Variants in CALN1 observed in about 807,000 individuals in gnomAD.
CALN1 encodes the protein calcium-binding protein 8.
CALN1 carries 17 observed loss-of-function variants against 30.6 expected under a neutral mutation model. The observed-to-expected ratio is 0.56, with a 90% CI of 0.38 to 0.83. The LOEUF (loss-of-function observed/expected upper bound fraction) is 0.83. Ranked by LOEUF, CALN1 falls within the 40% of genes least tolerant of loss-of-function variation. The pLI is 0.00. For missense variants in CALN1, 291 were observed against 354.9 expected (o/e 0.82, Z 1.45); for synonymous variants, 156 against 131.4 (o/e 1.19, Z -1.28).
chr7:72,236,852 T>C (rs1585234330), intron 3 of CALN1, among the ~76,000 whole-genome samples: 2 of 152,218 alleles, frequency 1.3e-5, no homozygotes, highest in Admixed American at 1.3e-4. Context: ...GTTCATGGTC[T>C]TTGGCCAAGG....
chr7:72,490,317 T>C, the CALN1 span, among the ~76,000 whole-genome samples: 2 of 152,114 alleles, frequency 1.3e-5, no homozygotes, highest in African/African-American at 4.8e-5. Flanking sequence ...AAAAACACTG[T>C]GTGGACAAAA....
chr7:71,844,321 C>A (rs1244655272), intron 5 of CALN1, among the ~76,000 whole-genome samples: 1 of 152,096 alleles, frequency 6.6e-6, no homozygotes, highest in Non-Finnish European at 1.5e-5. Flanking sequence ...ATCTTACCTG[C>A]CTTCTTTATA....
intron 3 of CALN1, among the ~76,000 whole-genome samples, chr7:72,231,328 C>T (rs561929587): frequency 6.6e-6 from 1 of 152,302 alleles, no homozygotes; most frequent in East Asian, 1.9e-4. Flanking sequence ...GTTCCCTTTC[C>T]TGTGTCCATG....
intron 5 of CALN1, among the ~76,000 whole-genome samples, chr7:72,021,981 C>T (rs1334394414): frequency 6.6e-6 from 1 of 152,118 alleles, no homozygotes; most frequent in African/African-American, 2.4e-5. Flanking sequence ...TTCTTCAGGC[C>T]CTAAATCCAT....
In CALN1 at chr7:71,782,990, T is replaced by G. The variant is rs1385761674; in HGVS notation, c.*4785A>C. The stretch of plus-strand genomic sequence containing the variant: ...GTCTTGAACTCCTGATCTTAAGTGA[T>G]CCACCTGCCTTGGCCTCCCAAAGTG... On this transcript the variant is annotated 3_prime_UTR_variant, in exon 7 of 7. Coordinates refer to ENST00000395275, the MANE Select transcript of CALN1 (RefSeq NM_031468.4). 2.6e-5 allele frequency: 4 copies of G among 152,102 alleles called. No homozygotes were observed. The allele number at this position is 152,102 out of a possible 1,614,324, so 9.4% of individuals were successfully genotyped here.
At chr7:72,255,154 C>G (rs1795828448) in intron 3 of CALN1, among the ~76,000 whole-genome samples, 1 of 152,076 alleles carries the variant, frequency 6.6e-6, no homozygotes, top group Non-Finnish European at 1.5e-5. Context: ...GGCACGATCT[C>G]AGTTCACTGC....
intron 2 of CALN1, among the ~76,000 whole-genome samples, chr7:72,384,335 G>C (rs73364936): frequency 1.3e-5 from 2 of 152,288 alleles, no homozygotes; most frequent in Non-Finnish European, 2.9e-5. Flanking sequence ...AATAAAAAAC[G>C]TATGTTGATT....
At chr7:72,359,468 TCTAC>T (rs1197167721) in intron 2 of CALN1, among the ~76,000 whole-genome samples, 2 of 152,244 alleles carry the variant, frequency 1.3e-5, no homozygotes, top group African/African-American at 2.4e-5. Context: ...CACATTGTTC[TCTAC>T]CTTTCTTTTT....
At chr7:72,083,517 G>C (rs1805288570) in intron 4 of CALN1, among the ~76,000 whole-genome samples, 1 of 152,148 alleles carries the variant, frequency 6.6e-6, no homozygotes, top group Non-Finnish European at 1.5e-5. Flanking sequence ...CCAGGAGCTT[G>C]AGGCTGCATC....
At chr7:72,312,558 C>G (rs1233105572) in intron 2 of CALN1, among the ~76,000 whole-genome samples, 1 of 151,964 alleles carries the variant, frequency 6.6e-6, no homozygotes, top group Non-Finnish European at 1.5e-5. Flanking sequence ...CCATGTATAC[C>G]TAGAGATCCT....
chr7:71,924,963 G>A lies in CALN1; in HGVS notation c.501+98694C>T, dbSNP rs117544898. ...GATTTACAATGAAATAAATTTGGCC[G>A]GGTGCAGTGGCTCACGCCTTTAATC... On this transcript the variant is annotated intron_variant, in intron 5 of 6. Transcript: ENST00000395275. Among the ~76,000 whole-genome samples the A allele has an allele frequency of 8.1e-3, 1,234 of 152,236 alleles. 7 individuals are homozygous for A. Among genetic ancestry groups the A allele is most frequent in the Non-Finnish European group, 0.014 (930 of 68,032 alleles).
intron 5 of CALN1, among the ~76,000 whole-genome samples, chr7:71,965,912 A>G (rs149925621): frequency 9.9e-4 from 151 of 151,976 alleles, no homozygotes; most frequent in African/African-American, 3.4e-3. Flanking sequence ...AAAGGACAGT[A>G]GCGGTGCTTC....
At chr7:71,842,380 T>C (rs1789988016) in intron 5 of CALN1, among the ~76,000 whole-genome samples, 1 of 152,214 alleles carries the variant, frequency 6.6e-6, no homozygotes, top group Non-Finnish European at 1.5e-5. Context: ...CTGATGTTGA[T>C]CGCTGCCGTT....
chr7:72,060,020 C>T (rs1212496988), intron 4 of CALN1, among the ~76,000 whole-genome samples: 2 of 152,086 alleles, frequency 1.3e-5, no homozygotes, highest in East Asian at 1.9e-4. Context: ...AGTTTTTCCT[C>T]GAGTACCCCC....
At chr7:72,075,383 A>C (rs892055218) in intron 4 of CALN1, among the ~76,000 whole-genome samples, 1 of 152,208 alleles carries the variant, frequency 6.6e-6, no homozygotes, top group Non-Finnish European at 1.5e-5. Context: ...GAATAAAGAC[A>C]ATCAGGCTGA....
intron 2 of CALN1, among the ~76,000 whole-genome samples, chr7:72,324,602 A>T (rs1200454231): frequency 2.7e-5 from 4 of 148,454 alleles, no homozygotes; most frequent in Non-Finnish European, 6.0e-5. Flanking sequence ...ATTTATTTAG[A>T]GACAGAGTCT....
At chr7:71,793,512 G>A (rs1159859818) in intron 6 of CALN1, among the ~76,000 whole-genome samples, 1 of 152,196 alleles carries the variant, frequency 6.6e-6, no homozygotes, top group African/African-American at 2.4e-5. Flanking sequence ...GATTCTCTGT[G>A]TGACTTTGAG....
chr7:72,189,459 A>G lies in CALN1; in HGVS notation c.245-83165T>C, dbSNP rs908897720. ...TTAGGAATAAGTGTTGGACATTATTAAATCAAGTTACTGCAGGCTGGGCAT... is the reference window on the plus strand; with the variant it reads ...TTAGGAATAAGTGTTGGACATTATTGAATCAAGTTACTGCAGGCTGGGCAT... On this transcript the variant is annotated intron_variant, in intron 3 of 6. Coordinates refer to ENST00000395275, the MANE Select transcript of CALN1 (RefSeq NM_031468.4). Among the ~76,000 whole-genome samples the G allele has an allele frequency of 7.2e-5, 11 of 152,352 alleles. No homozygotes were observed. The East Asian group carries it at 2.1e-3, about 29-fold the overall frequency.
intron 6 of CALN1, among the ~76,000 whole-genome samples, chr7:71,803,965 T>C (rs1403616092): frequency 6.6e-6 from 1 of 151,976 alleles, no homozygotes; most frequent in Non-Finnish European, 1.5e-5. Context: ...TGTGTGTGTG[T>C]GTGTGTGCGT....
Sources: gnomAD v4.1 joint callset for allele counts (sites outside exome capture counted in the v4.1 genomes callset) on GRCh38, gnomAD v4.1.1 for gene constraint, MANE v1.5 for transcripts, NCBI Gene and HGNC (gene_info 2026-07-23, HGNC 2026-07-21) for gene names.